The following USH2A variants were observed in gnomAD, a reference collection of about 807,000 sequenced individuals.
USH2A encodes the protein Usher syndrome 2A (autosomal recessive, mild).
USH2A carries 443 observed loss-of-function variants against 538.9 expected under a neutral mutation model. The ratio of observed to expected loss-of-function variants is 0.82; its 90% confidence interval spans 0.76 to 0.89. The LOEUF is 0.89. USH2A is among the 40% of genes least tolerant of loss of function. USH2A has a pLI of 0.00. For missense variants in USH2A, 6,633 were observed against 6,324.8 expected (o/e 1.05, Z -1.65); for synonymous variants, 2,413 against 2,273.5 (o/e 1.06, Z -1.75).
intron 61 of USH2A, among the ~76,000 whole-genome samples, chr1:215,716,538 C>A (rs1256574704): frequency 6.6e-6 from 1 of 152,204 alleles, no homozygotes; most frequent in Non-Finnish European, 1.5e-5. Flanking sequence ...ATCATAATCA[C>A]CCAATAGGAA....
intron 47 of USH2A, among the ~76,000 whole-genome samples, 166 bp downstream of exon 47, chr1:215,837,825 C>A (rs1322706767): frequency 6.6e-6 from 1 of 152,150 alleles, no homozygotes; most frequent in African/African-American, 2.4e-5. Flanking sequence ...CATTGGATGT[C>A]CAGTGAAGAT....
chr1:215,750,309 T>C (rs1010767810), intron 58 of USH2A, among the ~76,000 whole-genome samples: 1 of 152,126 alleles, frequency 6.6e-6, no homozygotes. Context: ...TGTATAATAG[T>C]TATCATTTAT....
chr1:216,375,740 C>A (rs1588656), intron 3 of USH2A, among the ~76,000 whole-genome samples: 47,400 of 152,062 alleles, frequency 0.31, 8,917 homozygotes, highest in East Asian at 0.43. Flanking sequence ...TTCAACCTGT[C>A]AACTTTCTAC....
At chr1:216,050,883 G>A (rs2030759666) in intron 30 of USH2A, among the ~76,000 whole-genome samples, 2 of 151,878 alleles carry the variant, frequency 1.3e-5, no homozygotes, top group Non-Finnish European at 1.5e-5. Context: ...GGGATTACAG[G>A]CGTGAGCCAC....
intron 38 of USH2A, among the ~76,000 whole-genome samples, chr1:215,913,686 T>C (rs1665871233): frequency 6.6e-6 from 1 of 152,196 alleles, no homozygotes; most frequent in Admixed American, 6.5e-5. Context: ...CTGGACTGGA[T>C]ACTGAAAAGG....
chr1:215,814,024 C>A, intron 48 of USH2A, 120 bp from the exon 49 acceptor site: 2 of 1,145,934 alleles, frequency 1.7e-6, no homozygotes, highest in Admixed American at 2.1e-5. Flanking sequence ...CCATATTACT[C>A]ATATTTCGTT....
chr1:216,422,093 G>T lies in USH2A; in HGVS notation c.244C>A (p.Arg82=). The T allele has an allele frequency of 6.2e-7, 1 of 1,613,794 alleles. No homozygotes were observed. Among genetic ancestry groups the T allele is most frequent in the Non-Finnish European group, 8.5e-7 (1 of 1,179,882 alleles). The change falls in exon 2 of 72, where the codon CGG becomes AGG. Residue 82 remains arginine, a synonymous_variant. Coordinates refer to ENST00000307340, the MANE Select transcript of USH2A (RefSeq NM_206933.4). ...TATGGGCAATCCTGAATACAAAACC[G>T]CTGGGTACAGAACTGAATACTTTCA... is the stretch of plus-strand genomic sequence containing the variant. ...AAESIQFCTQ[R]FCIQDCPYRS...
intron 16 of USH2A, among the ~76,000 whole-genome samples, chr1:216,205,535 T>A (rs2035092681): frequency 6.6e-6 from 1 of 152,142 alleles, no homozygotes; most frequent in East Asian, 1.9e-4. Context: ...AAACCCAGTA[T>A]AATGCATACA....
At chr1:216,338,136 A>G (rs2038009001) in intron 4 of USH2A, among the ~76,000 whole-genome samples, 1 of 151,486 alleles carries the variant, frequency 6.6e-6, no homozygotes, top group Admixed American at 6.6e-5. Flanking sequence ...ATCTCAATAA[A>G]CATTTTTATA....
At chr1:216,083,024 C>A (rs959225198) in intron 26 of USH2A, among the ~76,000 whole-genome samples, 7 of 151,764 alleles carry the variant, frequency 4.6e-5, no homozygotes, top group Non-Finnish European at 1.5e-5. Context: ...ATAGATAGAC[C>A]AAAAATGATA....
intron 69 of USH2A, among the ~76,000 whole-genome samples, chr1:215,635,744 TG>T (rs1656460855): frequency 6.6e-6 from 1 of 151,732 alleles, no homozygotes; most frequent in African/African-American, 2.4e-5. Flanking sequence ...TTAGTAGAGA[TG>T]GGGTTTCACC....
chr1:215,774,944 A>G (rs1571674094), intron 55 of USH2A, among the ~76,000 whole-genome samples: 1 of 144,804 alleles, frequency 6.9e-6, no homozygotes, highest in East Asian at 2.0e-4. Context: ...GCACAAATTT[A>G]GTTGTTCTCA....
chr1:215,738,699 A>G (rs1571636554), intron 60 of USH2A, among the ~76,000 whole-genome samples: 1 of 152,148 alleles, frequency 6.6e-6, no homozygotes, highest in East Asian at 1.9e-4. Context: ...AACAATTTCA[A>G]ATGAGATTTA....
intron 22 of USH2A, among the ~76,000 whole-genome samples, chr1:216,091,410 TAAGTG>T (rs2032298776): frequency 6.6e-6 from 1 of 152,208 alleles, no homozygotes; most frequent in African/African-American, 2.4e-5. Flanking sequence ...TGAATTTAAT[TAAGTG>T]AAGAATGGGA....
intron 10 of USH2A, among the ~76,000 whole-genome samples, chr1:216,291,076 T>C (rs576040549): frequency 6.6e-6 from 1 of 152,250 alleles, no homozygotes; most frequent in East Asian, 1.9e-4. Context: ...TATAACCAGG[T>C]GTATCTTTTA....
rs56797747 is a variant in USH2A, at chr1:215,706,568, C to T, written c.12066+21462G>A. 4.6e-3 allele frequency among the ~76,000 whole-genome samples: 703 copies of T among 152,150 alleles called. 6 individuals carry two copies. Among genetic ancestry groups the T allele is most frequent in the African/African-American group, 0.016 (668 of 41,528 alleles). ...CAATTCACTTGTACCAGGCTCCAAACGGGTTAACTGGTTATCACCAATCAG... is the reference window on the plus strand; with the variant it reads ...CAATTCACTTGTACCAGGCTCCAAATGGGTTAACTGGTTATCACCAATCAG... On this transcript the variant is annotated intron_variant, in intron 61 of 71. Transcript: ENST00000307340.
chr1:215,849,706 A>C (rs1403265228), intron 44 of USH2A, among the ~76,000 whole-genome samples: 1 of 152,204 alleles, frequency 6.6e-6, no homozygotes, highest in Non-Finnish European at 1.5e-5. Flanking sequence ...TTTTAAAGGT[A>C]AACCAAAAAT....
intron 38 of USH2A, among the ~76,000 whole-genome samples, chr1:215,910,357 G>C (rs1375360083): frequency 6.6e-6 from 1 of 151,848 alleles, no homozygotes; most frequent in African/African-American, 2.4e-5. Context: ...CTGTGTATTG[G>C]TTAAGAGCCA....
chr1:216,144,636 A>C (rs1390450790), intron 21 of USH2A, among the ~76,000 whole-genome samples: 1 of 152,130 alleles, frequency 6.6e-6, no homozygotes, highest in Non-Finnish European at 1.5e-5. Context: ...AAAATGGTAA[A>C]ATCTAACTGC....
Sources: gnomAD v4.1 joint callset for allele counts (sites outside exome capture counted in the v4.1 genomes callset) on GRCh38, gnomAD v4.1.1 for gene constraint, MANE v1.5 for transcripts, NCBI Gene and HGNC (gene_info 2026-07-23, HGNC 2026-07-21) for gene names.